Variants in GPR171 observed in about 807,000 individuals in gnomAD.
GPR171 encodes G protein-coupled receptor 171.
In GPR171, 14 loss-of-function variants were observed where a neutral mutation model predicts 16.7. That is an observed-to-expected ratio of 0.84 (90% CI 0.55 to 1.31). GPR171 has a LOEUF of 1.31. Ranked by LOEUF, GPR171 falls within the 40% of genes most tolerant of loss-of-function variation. The probability of loss-of-function intolerance (pLI) is 0.00; values close to 1 mark genes in which losing one functional copy is unlikely to be tolerated. For synonymous variants in GPR171, 134 were observed against 135.6 expected (o/e 0.99, Z 0.08); for missense variants, 337 against 378.9 (o/e 0.89, Z 0.92).
rs1407568328 is a variant in GPR171 at position 151,199,030 on chromosome 3, G to T, written c.357C>A (p.Ser119Arg). The T allele has an allele frequency of 2.5e-6, 4 of 1,614,032 alleles. No individual in the cohort carries two copies. The highest frequency in any genetic ancestry group is 3.3e-5 in the Admixed American group (2 of 60,012). ...SIDRCLQLTH[S>R]CKIYRIQEPG... Reference sequence around the variant, plus strand: ...GTTCTTGTATTCGGTAGATCTTGCAGCTGTGTGTCAGCTGAAGACAGCGGT... The same window carrying T: ...GTTCTTGTATTCGGTAGATCTTGCATCTGTGTGTCAGCTGAAGACAGCGGT... The change falls in exon 3 of 3, where the codon AGC (serine) becomes AGA (arginine). Residue 119 changes from serine to arginine, a missense_variant. Transcript: ENST00000309180.
At chr3:151,200,199 A>G (rs1224279227) in intron 2 of GPR171, among the ~76,000 whole-genome samples, 3 of 152,132 alleles carry the variant, frequency 2.0e-5, no homozygotes, top group East Asian at 1.9e-4. Context: ...GATAATGACA[A>G]TGAAGTCTTG....
Position 151,198,356 on chromosome 3 carries a change from T to TTTTTTTTTAA in GPR171, c.*70_*71insTTAAAAAAAA. On this transcript the variant is annotated 3_prime_UTR_variant, in exon 3 of 3. Transcript: ENST00000309180. Reference sequence around the variant, plus strand: ...AGTTTTTTTTTGTTTTTTTTTTTTTTATCTTTCAAAGCTATAATTAACTTT... The same window carrying TTTTTTTTTAA: ...AGTTTTTTTTTGTTTTTTTTTTTTTTTTTTTTTTAAATCTTTCAAAGCTATAATTAACTTT... 1.8e-6 allele frequency: 2 copies of TTTTTTTTTAA among 1,131,178 alleles called. 1 individual carries two copies. Among genetic ancestry groups the TTTTTTTTTAA allele is most frequent in the Admixed American group, 5.3e-5 (2 of 37,836 alleles). 70.1% of individuals were successfully genotyped at this position (1,131,178 alleles called of 1,614,324 possible). A position where few individuals can be genotyped will look rare whatever the true frequency, so the allele number is the denominator to read the frequency against.
intron 2 of GPR171, among the ~76,000 whole-genome samples, chr3:151,200,272 C>A (rs1462731120): frequency 6.6e-6 from 1 of 152,154 alleles, no homozygotes; most frequent in Non-Finnish European, 1.5e-5. Flanking sequence ...ACTGATAGGG[C>A]TCCCTTTGAC....
rs1226077119 is a variant in GPR171 at position 151,200,913 on chromosome 3, G to A, written c.-58C>T. On this transcript the variant is annotated 5_prime_UTR_variant, in exon 2 of 3. Coordinates refer to ENST00000309180, the MANE Select transcript of GPR171 (RefSeq NM_013308.4). ...AGGCATAATGGGGTTACTTACCCAAGGTTGTGTAGCTGGTAAGATATAAAG... is the reference window on the plus strand; with the variant it reads ...AGGCATAATGGGGTTACTTACCCAAAGTTGTGTAGCTGGTAAGATATAAAG... 2 of 152,134 alleles carry A rather than the reference G, an allele frequency of 1.3e-5. No individual in the cohort carries two copies. Among genetic ancestry groups the A allele is most frequent in the East Asian group, 3.9e-4 (2 of 5,192 alleles). The allele number at this position is 152,134 out of a possible 1,614,324, so 9.4% of individuals were successfully genotyped here.
intron 2 of GPR171, among the ~76,000 whole-genome samples, chr3:151,200,212 A>G (rs547290510): frequency 6.6e-6 from 1 of 152,070 alleles, no homozygotes; most frequent in Non-Finnish European, 1.5e-5. Flanking sequence ...AAGTCTTGTC[A>G]TGTCCCTCCC....
intron 1 of GPR171, among the ~76,000 whole-genome samples, chr3:151,201,637 G>A (rs1426460313): frequency 1.3e-5 from 2 of 152,160 alleles, no homozygotes; most frequent in Non-Finnish European, 2.9e-5. Context: ...CCTGAATCCT[G>A]CTTATTCCAG....
At position 151,198,537 on chromosome 3, in the gene GPR171, G is replaced by A. The variant is rs143896644; in HGVS notation, c.850C>T (p.Leu284=). ...AATGCTTTTGAGAGGTGATAGTACA[G>A]GATAGGATCAAAGCACAGGTTCGAC... ...AVSNLCFDPI[L]YYHLSKAFRS... is the part of the protein sequence containing the mutation. The change falls in exon 3 of 3, where the codon CTG becomes TTG. Residue 284 remains leucine, a synonymous_variant. Coordinates refer to ENST00000309180, the MANE Select transcript of GPR171 (RefSeq NM_013308.4). The A allele has an allele frequency of 1.9e-5, 30 of 1,613,940 alleles. No individual in the cohort carries two copies. In the African/African-American group the frequency reaches 3.7e-4, roughly 20 times the overall value.
Position 151,198,925 on chromosome 3 carries a change from G to A in GPR171, c.462C>T (p.Ile154=). 1 of 1,613,860 alleles carries A rather than the reference G, an allele frequency of 6.2e-7. No homozygotes were observed. Among genetic ancestry groups the A allele is most frequent in the Non-Finnish European group, 8.5e-7 (1 of 1,179,992 alleles). Residue 154 remains isoleucine, a synonymous_variant, in exon 3 of 3, where the codon ATC becomes ATT. Transcript: ENST00000309180. ...LIMVPNMMIP[I]KDIKEKSNVG... Reference sequence around the variant, plus strand: ...CATTTGACTTTTCCTTGATGTCTTTGATGGGAATCATCATATTTGGCACCA... The same window carrying A: ...CATTTGACTTTTCCTTGATGTCTTTAATGGGAATCATCATATTTGGCACCA...
At chr3:151,202,716 G>T (rs1725804884) in intron 1 of GPR171, among the ~76,000 whole-genome samples, 1 of 152,100 alleles carries the variant, frequency 6.6e-6, no homozygotes, top group Non-Finnish European at 1.5e-5. Flanking sequence ...GATTTTCTAT[G>T]GGAATCACAG....
intron 2 of GPR171, among the ~76,000 whole-genome samples, chr3:151,199,950 G>T (rs1725290438): frequency 6.6e-6 from 1 of 151,912 alleles, no homozygotes; most frequent in Non-Finnish European, 1.5e-5. Context: ...GGTCGCAAGA[G>T]TCTGTCTCAA....
chr3:151,201,934 A>G (rs936327227), intron 1 of GPR171, among the ~76,000 whole-genome samples: 2 of 152,198 alleles, frequency 1.3e-5, no homozygotes, highest in Non-Finnish European at 2.9e-5. Context: ...ACAACTATAA[A>G]ATAAGTCTGT....
At chr3:151,202,528 A>G (rs1218119264) in intron 1 of GPR171, among the ~76,000 whole-genome samples, 2 of 152,042 alleles carry the variant, frequency 1.3e-5, no homozygotes, top group Admixed American at 1.3e-4. Context: ...AAAATTAGCC[A>G]ACGCGGTGGC....
At chr3:151,200,845 G>A (rs1725459062) in intron 2 of GPR171, 64 bp downstream of exon 2, 1 of 152,168 alleles carries the variant, frequency 6.6e-6, no homozygotes, top group African/African-American at 2.4e-5. Context: ...ATTTCCATAA[G>A]CTAGGTGTTG....
At chr3:151,201,855 G>A (rs1029183980) in intron 1 of GPR171, among the ~76,000 whole-genome samples, 11 of 152,128 alleles carry the variant, frequency 7.2e-5, no homozygotes, top group Non-Finnish European at 1.3e-4. Flanking sequence ...TTTGGCTTAC[G>A]CACTTCTATT....
chr3:151,202,030 A>G (rs1356237117), intron 1 of GPR171, among the ~76,000 whole-genome samples: 1 of 152,264 alleles, frequency 6.6e-6, no homozygotes, highest in African/African-American at 2.4e-5. Context: ...CTGACGATAT[A>G]TACCGTACAT....
intron 1 of GPR171, among the ~76,000 whole-genome samples, chr3:151,202,836 T>C (rs553909380): frequency 6.6e-6 from 1 of 152,320 alleles, no homozygotes; most frequent in East Asian, 1.9e-4. Flanking sequence ...CACCCAGTTA[T>C]AAGATTGAGT....
chr3:151,201,382 C>CT (rs1725567871), intron 1 of GPR171, among the ~76,000 whole-genome samples: 1 of 152,146 alleles, frequency 6.6e-6, no homozygotes, highest in African/African-American at 2.4e-5. Context: ...GGTGGGGTCT[C>CT]TATTATTCTG....
chr3:151,198,513 A>G lies in GPR171; in HGVS notation c.874T>C (p.Phe292Leu). The change falls in exon 3 of 3, where the codon TTC (phenylalanine) becomes CTC (leucine). Residue 292 changes from phenylalanine (F) to leucine (L), a missense_variant. By Grantham distance (22) the Phe-to-Leu change is conservative. Transcript: ENST00000309180. ...AAAGTCTCAGTGACCTTTGAGCGGA[A>G]TGCTTTTGAGAGGTGATAGTACAGG... is the stretch of plus-strand genomic sequence containing the variant. ...PILYYHLSKA[F>L]RSKVTETFAS... The G allele has an allele frequency of 6.2e-7, 1 of 1,613,794 alleles. No homozygotes were observed. The highest frequency in any genetic ancestry group is 1.1e-5 in the South Asian group (1 of 91,072).
rs1725085415 is a variant in GPR171, at chr3:151,198,892, A to G, written c.495T>C (p.Cys165=). 2 of 1,613,988 alleles carry G rather than the reference A, an allele frequency of 1.2e-6. No individual in the cohort carries two copies. Among genetic ancestry groups the G allele is most frequent in the African/African-American group, 1.3e-5 (1 of 74,940 alleles). ...KDIKEKSNVG[C]MEFKKEFGRN... ...TTCCAAATTCCTTTTTAAACTCCAT[A>G]CAACCCACATTTGACTTTTCCTTGA... Residue 165 remains cysteine, a synonymous_variant, in exon 3 of 3, where the codon TGT becomes TGC. Transcript: ENST00000309180.
Sources: allele counts gnomAD v4.1 joint callset (sites outside exome capture counted in the v4.1 genomes callset), GRCh38; gene constraint gnomAD v4.1.1; transcripts MANE v1.5; gene names NCBI Gene and HGNC (gene_info 2026-07-23, HGNC 2026-07-21).